Variants in ATP6V0E1 observed in about 807,000 individuals in gnomAD.
ATP6V0E1 encodes the protein V-type proton ATPase subunit e 1.
ATP6V0E1 carries 4 observed loss-of-function variants against 11.6 expected under a neutral mutation model. The observed-to-expected ratio is 0.35, with a 90% CI of 0.17 to 0.79. The LOEUF is 0.79. ATP6V0E1 is among the 30% of genes least tolerant of loss of function. The pLI is 0.54. For synonymous variants in ATP6V0E1, 36 were observed against 34.8 expected (o/e 1.04, Z -0.13); for missense variants, 105 against 100.0 (o/e 1.05, Z -0.21).
At chr5:173,019,734 GA>G (rs1756452719) in intron 2 of ATP6V0E1, among the ~76,000 whole-genome samples, 1 of 152,154 alleles carries the variant, frequency 6.6e-6, no homozygotes, top group Admixed American at 6.6e-5. Context: ...ATGGGGATTA[GA>G]AAAGGGGACC....
At chr5:172,984,033 C>A in intron 1 of ATP6V0E1, 69 bp downstream of exon 1, 1 of 1,441,146 alleles carries the variant, frequency 6.9e-7, no homozygotes, top group Non-Finnish European at 9.8e-7. Flanking sequence ...CGGGGAAAGG[C>A]ACGACCCCCA....
At chr5:172,985,671 T>C (rs12654739) in intron 1 of ATP6V0E1, among the ~76,000 whole-genome samples, 6,917 of 152,276 alleles carry the variant, frequency 0.045, 199 homozygotes, top group South Asian at 0.11. Flanking sequence ...CACTGACAAT[T>C]CCTTTCTTAA....
intron 2 of ATP6V0E1, among the ~76,000 whole-genome samples, chr5:173,001,633 C>T (rs967802774): frequency 5.3e-5 from 8 of 152,100 alleles, no homozygotes; most frequent in Non-Finnish European, 8.8e-5. Context: ...CGCCTGTAAT[C>T]GCAGCACTTT....
At chr5:172,987,723 T>C (rs924892840) in intron 1 of ATP6V0E1, among the ~76,000 whole-genome samples, 4 of 151,978 alleles carry the variant, frequency 2.6e-5, no homozygotes, top group Admixed American at 2.6e-4. Context: ...TATAATTTTT[T>C]TTTTTTAAGA....
At chr5:173,030,813 A>C (rs538157708) in intron 3 of ATP6V0E1, among the ~76,000 whole-genome samples, 5 of 151,618 alleles carry the variant, frequency 3.3e-5, no homozygotes, top group Admixed American at 1.3e-4. Context: ...CAGTGGCGCA[A>C]TCTTGGCTCA....
At chr5:173,032,793 C>T (rs57329183) in intron 3 of ATP6V0E1, among the ~76,000 whole-genome samples, 1 of 152,164 alleles carries the variant, frequency 6.6e-6, no homozygotes, top group South Asian at 2.1e-4. Flanking sequence ...CTTCAGTATT[C>T]TCAGATAAAA....
chr5:173,029,902 C>G (rs1756624209), intron 3 of ATP6V0E1, among the ~76,000 whole-genome samples: 1 of 152,196 alleles, frequency 6.6e-6, no homozygotes, highest in African/African-American at 2.4e-5. Flanking sequence ...ACTTTCCCCT[C>G]CAGGCCCTAG....
chr5:172,986,415 G>A (rs1251822817), intron 1 of ATP6V0E1, among the ~76,000 whole-genome samples: 1 of 152,166 alleles, frequency 6.6e-6, no homozygotes, highest in Admixed American at 6.5e-5. Flanking sequence ...CAAGAGGATT[G>A]CTTGAGACCA....
intron 2 of ATP6V0E1, among the ~76,000 whole-genome samples, chr5:172,996,061 C>T (rs539688531): frequency 1.3e-5 from 2 of 152,152 alleles, no homozygotes; most frequent in Non-Finnish European, 2.9e-5. Flanking sequence ...ACAGTTCTGA[C>T]CCATCCTATA....
At chr5:172,996,786 A>G (rs566994737) in intron 2 of ATP6V0E1, among the ~76,000 whole-genome samples, 92 of 152,294 alleles carry the variant, frequency 6.0e-4, no homozygotes, top group African/African-American at 2.1e-3. Flanking sequence ...ATACAAGGTG[A>G]TGAAAGAGGG....
Position 173,012,136 on chromosome 5 carries a change from AT to A in ATP6V0E1, c.153-8100del, listed in dbSNP as rs1220587008. On this transcript the variant is annotated intron_variant, in intron 2 of 3. Coordinates refer to ENST00000519374, the MANE Select transcript of ATP6V0E1 (RefSeq NM_003945.4). ...AACCTCTGCCTCCCAGGTTCAAGTG[AT>A]TCTCCTGCCTCAGCCTCCCGAGTAG... Among the ~76,000 whole-genome samples, 13 of 150,114 alleles carry A rather than the reference AT, an allele frequency of 8.7e-5. No individual in the cohort carries two copies. In the South Asian group the frequency reaches 2.7e-3, roughly 31 times the overall value.
At chr5:173,002,626 T>A (rs1756176613) in intron 2 of ATP6V0E1, among the ~76,000 whole-genome samples, 1 of 152,238 alleles carries the variant, frequency 6.6e-6, no homozygotes, top group South Asian at 2.1e-4. Flanking sequence ...GATTTTTCTT[T>A]GTATTATTGG....
intron 3 of ATP6V0E1, among the ~76,000 whole-genome samples, chr5:173,022,558 C>T (rs1330044353): frequency 1.3e-5 from 2 of 152,184 alleles, no homozygotes; most frequent in Non-Finnish European, 2.9e-5. Context: ...CGGCTAACTG[C>T]AGTCTTGACC....
At chr5:173,009,040 A>C (rs1419959993) in intron 2 of ATP6V0E1, among the ~76,000 whole-genome samples, 1 of 151,776 alleles carries the variant, frequency 6.6e-6, no homozygotes. Context: ...AGCCTGGGCA[A>C]CATGGTGAAA....
intron 2 of ATP6V0E1, among the ~76,000 whole-genome samples, chr5:172,998,792 T>G (rs946988395): frequency 6.6e-6 from 1 of 152,094 alleles, no homozygotes; most frequent in African/African-American, 2.4e-5. Context: ...TTGTTTTTAT[T>G]GCTTTGAAGA....
intron 2 of ATP6V0E1, among the ~76,000 whole-genome samples, chr5:173,008,768 G>A (rs1339592006): frequency 6.7e-6 from 1 of 150,188 alleles, no homozygotes; most frequent in African/African-American, 2.4e-5. Context: ...AAAATTAGCT[G>A]GGCGTGGTGG....
chr5:173,021,000 A>G (rs1233695725), intron 3 of ATP6V0E1: 7 of 501,734 alleles, frequency 1.4e-5, no homozygotes, highest in Non-Finnish European at 2.8e-5. Flanking sequence ...TTGTGTTGCT[A>G]TAAAGGAATA....
At chr5:172,992,603 C>A (rs1424244531) in intron 1 of ATP6V0E1, among the ~76,000 whole-genome samples, 2 of 152,104 alleles carry the variant, frequency 1.3e-5, no homozygotes, top group Non-Finnish European at 2.9e-5. Context: ...TCCTGACCAT[C>A]CTCTAAAATT....
chr5:173,017,877 G>T (rs990545069), intron 2 of ATP6V0E1, among the ~76,000 whole-genome samples: 1 of 150,540 alleles, frequency 6.6e-6, no homozygotes, highest in African/African-American at 2.5e-5. Context: ...AAAAGAAAGG[G>T]ATTCCCTAGA....
Sources: allele counts gnomAD v4.1 joint callset (sites outside exome capture counted in the v4.1 genomes callset), GRCh38; gene constraint gnomAD v4.1.1; transcripts MANE v1.5; gene names NCBI Gene and HGNC (gene_info 2026-07-23, HGNC 2026-07-21).